The following OXCT1 variants were observed in gnomAD, a reference collection of about 807,000 sequenced individuals.
OXCT1 encodes succinyl-CoA:3-ketoacid coenzyme A transferase 1, mitochondrial.
Under a neutral mutation model 69.6 loss-of-function variants are expected in OXCT1, and 27 were observed. The observed-to-expected ratio is 0.39, with a 90% CI of 0.29 to 0.54. The LOEUF (loss-of-function observed/expected upper bound fraction) is 0.54, where lower values mean the gene tolerates loss of function less well. Ranked by LOEUF, OXCT1 falls within the 20% of genes least tolerant of loss-of-function variation. The pLI, the probability that OXCT1 is intolerant of heterozygous loss-of-function variation, is 0.72. For missense variants in OXCT1, 437 were observed against 650.2 expected (o/e 0.67, Z 3.57); for synonymous variants, 202 against 217.8 (o/e 0.93, Z 0.64).
chr5:41,794,260 GA>G (rs1405833363), intron 12 of OXCT1, 182 bp from the exon 13 acceptor site: 27 of 634,672 alleles, frequency 4.3e-5, no homozygotes, highest in Non-Finnish European at 7.1e-5. Flanking sequence ...AATTCTTTTT[GA>G]AAAAAAAGTT....
chr5:41,819,554 G>C (rs191955412), intron 7 of OXCT1, among the ~76,000 whole-genome samples: 325 of 152,192 alleles, frequency 2.1e-3, no homozygotes, highest in African/African-American at 7.5e-3. Flanking sequence ...ATTTTTAGTA[G>C]AGACAGGGTT....
chr5:41,857,631 C>G (rs1252634638), intron 3 of OXCT1, among the ~76,000 whole-genome samples: 2 of 152,196 alleles, frequency 1.3e-5, no homozygotes, highest in East Asian at 3.9e-4. Flanking sequence ...ATAACCCCCT[C>G]CATAAAGCTT....
Position 41,811,233 on chromosome 5 carries a change from C to G in OXCT1, c.733-3795G>C, listed in dbSNP as rs147860223. Among the ~76,000 whole-genome samples, 755 of 151,912 alleles carry G rather than the reference C, an allele frequency of 5.0e-3. 5 individuals are homozygous for G. Among genetic ancestry groups the G allele is most frequent in the African/African-American group, 0.017 (717 of 41,448 alleles). On this transcript the variant is annotated intron_variant, in intron 7 of 16. Coordinates refer to ENST00000196371, the MANE Select transcript of OXCT1 (RefSeq NM_000436.4). Reference sequence around the variant, plus strand: ...AAGAGGAAATGTGAGTAAGACCTCACGTTCAATAGATAAATAGGATAACTA... The same window carrying G: ...AAGAGGAAATGTGAGTAAGACCTCAGGTTCAATAGATAAATAGGATAACTA...
chr5:41,828,897 T>C (rs1413523729), intron 7 of OXCT1, among the ~76,000 whole-genome samples: 1 of 152,186 alleles, frequency 6.6e-6, no homozygotes, highest in East Asian at 1.9e-4. Flanking sequence ...TACATACTTT[T>C]TTAAAAAATG....
rs957582877 is a variant in OXCT1, at chr5:41,850,020, T to C, written c.564+10A>G. Reference sequence around the variant, plus strand: ...GATCCTGGTATAATCTGGTTAAGAGTGTTTCTTACCTCTCTTGGCTTACTG... The same window carrying C: ...GATCCTGGTATAATCTGGTTAAGAGCGTTTCTTACCTCTCTTGGCTTACTG... On this transcript the variant is annotated intron_variant, in intron 5 of 16. Transcript: ENST00000196371. The C allele has an allele frequency of 6.2e-7, 1 of 1,613,006 alleles. No individual in the cohort carries two copies. Among genetic ancestry groups the C allele is most frequent in the African/African-American group, 1.3e-5 (1 of 74,962 alleles).
At chr5:41,781,143 T>A (rs1429713777) in intron 13 of OXCT1, among the ~76,000 whole-genome samples, 1 of 152,088 alleles carries the variant, frequency 6.6e-6, no homozygotes, top group African/African-American at 2.4e-5. Flanking sequence ...GACCTCGTGA[T>A]CTGCCCATCT....
intron 7 of OXCT1, among the ~76,000 whole-genome samples, chr5:41,836,789 T>C (rs1233210441): frequency 6.6e-6 from 1 of 152,136 alleles, no homozygotes; most frequent in Non-Finnish European, 1.5e-5. Context: ...TCTCCCACTG[T>C]GCGGCCCAGT....
At chr5:41,812,497 C>T (rs950151705) in intron 7 of OXCT1, among the ~76,000 whole-genome samples, 2 of 151,898 alleles carry the variant, frequency 1.3e-5, no homozygotes, top group East Asian at 3.9e-4. Flanking sequence ...AAAAGAGACA[C>T]GTATGACCTA....
rs1036717264 is a variant in OXCT1, at chr5:41,730,868, C to G, written c.*861G>C. ...AATCTCCTCTGAACCAAAACAAGAGCCTGAAAGTAAAACACCTTTTATTTT... is the reference window on the plus strand; with the variant it reads ...AATCTCCTCTGAACCAAAACAAGAGGCTGAAAGTAAAACACCTTTTATTTT... On this transcript the variant is annotated 3_prime_UTR_variant, in exon 17 of 17. Transcript: ENST00000196371. 1 of 152,156 alleles carries G rather than the reference C, an allele frequency of 6.6e-6. No individual in the cohort carries two copies. Among genetic ancestry groups the G allele is most frequent in the African/African-American group, 2.4e-5 (1 of 41,426 alleles). The allele number at this position is 152,156 out of a possible 1,614,324, so 9.4% of individuals were successfully genotyped here.
At chr5:41,835,565 C>T (rs1415655063) in intron 7 of OXCT1, among the ~76,000 whole-genome samples, 1 of 152,126 alleles carries the variant, frequency 6.6e-6, no homozygotes, top group African/African-American at 2.4e-5. Flanking sequence ...TTTGTGTGCA[C>T]CAAATATCGT....
chr5:41,756,817 T>C (rs1561365914), intron 14 of OXCT1, among the ~76,000 whole-genome samples: 1 of 152,046 alleles, frequency 6.6e-6, no homozygotes, highest in Non-Finnish European at 1.5e-5. Context: ...CAGTGAGCCA[T>C]GTGGATAGCT....
intron 15 of OXCT1, among the ~76,000 whole-genome samples, chr5:41,747,997 T>C (rs1030857480): frequency 1.3e-5 from 2 of 152,114 alleles, no homozygotes; most frequent in African/African-American, 4.8e-5. Flanking sequence ...TGTTGTCCTT[T>C]AGGACAGAGA....
At chr5:41,844,759 CT>C (rs1189706780) in intron 5 of OXCT1, among the ~76,000 whole-genome samples, 1 of 151,958 alleles carries the variant, frequency 6.6e-6, no homozygotes, top group Non-Finnish European at 1.5e-5. Flanking sequence ...CTTGACTCCT[CT>C]TACACCCCTT....
At chr5:41,789,684 A>G (rs967284075) in intron 13 of OXCT1, among the ~76,000 whole-genome samples, 7 of 152,244 alleles carry the variant, frequency 4.6e-5, no homozygotes, top group African/African-American at 1.7e-4. Flanking sequence ...ATATGACCTC[A>G]TATGGATTTT....
rs570040424 is a variant in OXCT1 at position 41,748,172 on chromosome 5, G to A, written c.1419+1355C>T. On this transcript the variant is annotated intron_variant, in intron 15 of 16. Coordinates refer to ENST00000196371, the MANE Select transcript of OXCT1 (RefSeq NM_000436.4). The stretch of plus-strand genomic sequence containing the variant: ...CCACTATGAGAATAAATTGTTGTGT[G>A]CTATGATGGTGCAAAACCTCTTCAT... Among the ~76,000 whole-genome samples the A allele has an allele frequency of 3.3e-5, 5 of 152,220 alleles. No homozygotes were observed. In the South Asian group the frequency reaches 8.3e-4, roughly 25 times the overall value.
intron 8 of OXCT1, among the ~76,000 whole-genome samples, chr5:41,806,629 G>A (rs954152470): frequency 2.0e-5 from 3 of 151,894 alleles, no homozygotes; most frequent in African/African-American, 7.3e-5. Flanking sequence ...TCTCTCTCTC[G>A]CCTTGTGACA....
rs1742641646 is a variant in OXCT1 at position 41,731,749 on chromosome 5, T to C, written c.1543A>G (p.Met515Val). The C allele has an allele frequency of 6.2e-7, 1 of 1,610,168 alleles. No individual in the cohort carries two copies. The change falls in exon 17 of 17, where the codon ATG (methionine) becomes GTG (valine). Residue 515 changes from methionine (M) to valine (V), a missense_variant. By Grantham distance (21) the Met-to-Val change is conservative. This residue lies in a region of OXCT1 where 102 missense variants were observed against 162.1 expected (regional missense o/e 0.63). Coordinates refer to ENST00000196371, the MANE Select transcript of OXCT1 (RefSeq NM_000436.4). ...ATATTTCAATTTGCGATCTGCTGCA[T>C]TGGCATGAGTTTTGGTGAAACCTGG... is the stretch of plus-strand genomic sequence containing the variant. ...DFAVSPKLMP[M>V]QQIAN
At chr5:41,794,404 A>G (rs745578525) in intron 12 of OXCT1, 12 of 595,706 alleles carry the variant, frequency 2.0e-5, no homozygotes, top group African/African-American at 3.7e-5. Flanking sequence ...AGAAAATGTT[A>G]GAATCCTCAG....
intron 10 of OXCT1, among the ~76,000 whole-genome samples, chr5:41,801,583 T>C (rs1324209677): frequency 6.6e-6 from 1 of 152,128 alleles, no homozygotes; most frequent in Non-Finnish European, 1.5e-5. Flanking sequence ...GCCAATGTTA[T>C]TCAAAAACTT....
Sources: allele counts gnomAD v4.1 joint callset (sites outside exome capture counted in the v4.1 genomes callset), GRCh38; gene constraint gnomAD v4.1.1; regional missense constraint gnomAD v4.1.1; transcripts MANE v1.5; gene names NCBI Gene and HGNC (gene_info 2026-07-23, HGNC 2026-07-21).